OTOGL: variants seen among roughly 807,000 people sequenced by gnomAD.
OTOGL encodes otogelin like, also known as otogelin-like protein.
Under a neutral mutation model 318.5 loss-of-function variants are expected in OTOGL, and 285 were observed. The observed-to-expected ratio is 0.89, with a 90% CI of 0.81 to 0.99. The LOEUF is 0.99. Ranked by LOEUF, OTOGL falls within the 50% of genes least tolerant of loss-of-function variation. OTOGL has a pLI of 0.00. For missense variants in OTOGL, 2,899 were observed against 2,845.6 expected (o/e 1.02, Z -0.43); for synonymous variants, 987 against 936.5 (o/e 1.05, Z -0.99).
intron 4 of OTOGL, among the ~76,000 whole-genome samples, chr12:80,217,258 G>C (rs116143986): frequency 0.015 from 2,354 of 151,960 alleles, 73 homozygotes; most frequent in African/African-American, 0.054. Flanking sequence ...ATGAGGTTGC[G>C]AGGTGGGTGG....
intron 1 of OTOGL, among the ~76,000 whole-genome samples, chr12:80,184,773 G>T (rs903708565): frequency 6.6e-6 from 1 of 152,042 alleles, no homozygotes; most frequent in Non-Finnish European, 1.5e-5. Flanking sequence ...AAAAGGAGGA[G>T]CCCCTTTGAG....
At chr12:80,307,618 C>A (rs1287731096) in intron 29 of OTOGL, among the ~76,000 whole-genome samples, 1 of 135,726 alleles carries the variant, frequency 7.4e-6, no homozygotes, top group Non-Finnish European at 1.6e-5. Context: ...GGGGGGCTGA[C>A]CCCCCCACCT....
rs1886050264 is a variant in OTOGL at position 80,305,577 on chromosome 12, A to G, written c.3215A>G (p.Asn1072Ser). ...IHIKVGPQWK[N>S]KLSGLCGNFD... ...CCTGGTGATTTTCTCTTACTTTAGAACAAGCTATCAGGATTGTGTGGAAAC... is the reference window on the plus strand; with the variant it reads ...CCTGGTGATTTTCTCTTACTTTAGAGCAAGCTATCAGGATTGTGTGGAAAC... Residue 1072 changes from asparagine (N) to serine (S), a missense_variant and splice_region_variant, in exon 29 of 59, where the codon AAC becomes AGC. Coordinates refer to ENST00000547103, the MANE Select transcript of OTOGL (RefSeq NM_001378609.3). The G allele has an allele frequency of 6.5e-7, 1 of 1,543,742 alleles. No homozygotes were observed. Among genetic ancestry groups the G allele is most frequent in the Non-Finnish European group, 8.6e-7 (1 of 1,157,536 alleles).
chr12:80,255,684 C>T (rs1180366532), intron 16 of OTOGL, among the ~76,000 whole-genome samples: 1 of 151,798 alleles, frequency 6.6e-6, no homozygotes, highest in Non-Finnish European at 1.5e-5. Context: ...TTATTTAGAT[C>T]TTTTCTTGAA....
chr12:80,173,529 C>T (rs934003276), intron 1 of OTOGL, among the ~76,000 whole-genome samples: 8 of 152,114 alleles, frequency 5.3e-5, no homozygotes, highest in African/African-American at 1.9e-4. Flanking sequence ...ACTTTCATCG[C>T]CATCTTGGTT....
chr12:80,269,869 C>T (rs1259658584), intron 22 of OTOGL, among the ~76,000 whole-genome samples: 1 of 151,982 alleles, frequency 6.6e-6, no homozygotes, highest in Non-Finnish European at 1.5e-5. Context: ...TTCATGTCTC[C>T]CATGCCTATC....
chr12:80,229,495 T>C (rs1439569868), intron 8 of OTOGL, 117 bp downstream of exon 8: 1 of 1,322,166 alleles, frequency 7.6e-7, no homozygotes, highest in Non-Finnish European at 1.0e-6. Context: ...TCAACAATAC[T>C]CTTAAAGCTA....
intron 1 of OTOGL, among the ~76,000 whole-genome samples, chr12:80,110,048 A>AG (rs1869733855): frequency 6.8e-6 from 1 of 146,930 alleles, no homozygotes; most frequent in South Asian, 2.2e-4. Context: ...CATCTACATT[A>AG]GTTTTTTTTT....
At chr12:80,321,769 T>C (rs1369972329) in intron 34 of OTOGL, among the ~76,000 whole-genome samples, 3 of 152,060 alleles carry the variant, frequency 2.0e-5, no homozygotes, top group Admixed American at 6.6e-5. Flanking sequence ...CATTCTTAGG[T>C]GTGGTGACAT....
At chr12:80,305,308 T>C (rs1404807248) in intron 28 of OTOGL, among the ~76,000 whole-genome samples, 1 of 152,218 alleles carries the variant, frequency 6.6e-6, no homozygotes, top group Non-Finnish European at 1.5e-5. Context: ...GTTATTTATG[T>C]TATTAGTTGT....
chr12:80,351,866 A>G (rs745336019), intron 44 of OTOGL, among the ~76,000 whole-genome samples: 17 of 152,256 alleles, frequency 1.1e-4, no homozygotes, highest in Non-Finnish European at 2.4e-4. Context: ...CTAATATTGA[A>G]TATTAATAAA....
At chr12:80,334,994 A>G (rs1888302537) in intron 38 of OTOGL, among the ~76,000 whole-genome samples, 1 of 152,202 alleles carries the variant, frequency 6.6e-6, no homozygotes, top group African/African-American at 2.4e-5. Flanking sequence ...TACTATTTAG[A>G]AAATTAGTAA....
At chr12:80,307,845 A>G (rs1385723910) in intron 29 of OTOGL, among the ~76,000 whole-genome samples, 404 of 95,674 alleles carry the variant, frequency 4.2e-3, no homozygotes, top group African/African-American at 0.017. Context: ...CCTCCCGGAC[A>G]GGGCGGCTGG....
chr12:80,119,281 A>C (rs1246384248), intron 1 of OTOGL, among the ~76,000 whole-genome samples: 11 of 152,192 alleles, frequency 7.2e-5, no homozygotes, highest in African/African-American at 2.4e-4. Context: ...TGTTCTCTTT[A>C]TCATTTCTCT....
At chr12:80,138,728 A>T (rs1365105062) in intron 1 of OTOGL, among the ~76,000 whole-genome samples, 1 of 152,206 alleles carries the variant, frequency 6.6e-6, no homozygotes. Context: ...TGACAAGAGT[A>T]TAATAACAGA....
rs536263973 is a variant in OTOGL at position 80,214,374 on chromosome 12, G to A, written c.168+2377G>A. Reference sequence around the variant, plus strand: ...CTTTCTGAAGAACCATGTAGAATGCGTCCTAGAATAATTTCTAGGTTGAGG... The same window carrying A: ...CTTTCTGAAGAACCATGTAGAATGCATCCTAGAATAATTTCTAGGTTGAGG... On this transcript the variant is annotated intron_variant, in intron 4 of 58. Coordinates refer to ENST00000547103, the MANE Select transcript of OTOGL (RefSeq NM_001378609.3). 5.3e-4 allele frequency among the ~76,000 whole-genome samples: 80 copies of A among 152,336 alleles called. 3 individuals carry two copies. The highest frequency in any genetic ancestry group is 1.3e-3 in the Admixed American group (20 of 15,296).
intron 1 of OTOGL, among the ~76,000 whole-genome samples, chr12:80,194,677 G>A (rs555494194): frequency 1.1e-4 from 17 of 151,918 alleles, no homozygotes; most frequent in South Asian, 2.1e-4. Context: ...ACTAGAGAGC[G>A]CTCTAAAATA....
At chr12:80,118,909 G>C (rs1870325094) in intron 1 of OTOGL, among the ~76,000 whole-genome samples, 1 of 145,500 alleles carries the variant, frequency 6.9e-6, no homozygotes, top group Non-Finnish European at 1.5e-5. Context: ...ATTGCTCTTT[G>C]ATATTGATAT....
intron 44 of OTOGL, among the ~76,000 whole-genome samples, chr12:80,345,154 T>G (rs1199935203): frequency 7.3e-6 from 1 of 136,354 alleles, no homozygotes; most frequent in African/African-American, 2.8e-5. Flanking sequence ...ATATGTTATA[T>G]TATATATTAT....
Sources: gnomAD v4.1 joint callset for allele counts (sites outside exome capture counted in the v4.1 genomes callset) on GRCh38, gnomAD v4.1.1 for gene constraint, MANE v1.5 for transcripts, NCBI Gene and HGNC (gene_info 2026-07-23, HGNC 2026-07-21) for gene names.